Variants in ZNF44 observed in about 807,000 individuals in gnomAD.
The protein encoded by ZNF44 is gonadotropin inducible transcription repressor-2.
ZNF44 carries 9 observed loss-of-function variants against 11.7 expected under a neutral mutation model. The observed-to-expected ratio is 0.77, with a 90% CI of 0.46 to 1.35. ZNF44 has a LOEUF of 1.35. Among genes scored for constraint, ZNF44 ranks in the 40% most tolerant of loss-of-function variants. The probability of loss-of-function intolerance (pLI) is 0.00; values close to 1 mark genes in which losing one functional copy is unlikely to be tolerated. For synonymous variants in ZNF44, 224 were observed against 242.7 expected, an observed-to-expected ratio of 0.92 and a Z score of 0.72; for missense variants, 696 against 743.1, an observed-to-expected ratio of 0.94 and a Z score of 0.74.
intron 1 of ZNF44, among the ~76,000 whole-genome samples, chr19:12,282,052 C>G (rs765919864): frequency 2.6e-5 from 4 of 152,184 alleles, no homozygotes; most frequent in Non-Finnish European, 5.9e-5. Context: ...TGCCCTAACA[C>G]CAAAACTAGA....
chr19:12,273,230 CAT>C lies in ZNF44; in HGVS notation c.1023_1024del (p.Ile341MetfsTer6), dbSNP rs758389478. On this transcript the variant is annotated frameshift_variant, in exon 4 of 4. Coordinates refer to ENST00000355684, the MANE Select transcript of ZNF44 (RefSeq NM_016264.4). LOFTEE classifies it low-confidence loss of function (END_TRUNC). Reference sequence around the variant, plus strand: ...ACCAGGAAAATCAAAGCCTTTCCCACATATCTTACATTTATGAGGTCCATCTC... The same window carrying C: ...ACCAGGAAAATCAAAGCCTTTCCCACATCTTACATTTATGAGGTCCATCTC... The C allele has an allele frequency of 3.7e-6, 6 of 1,613,974 alleles. No individual in the cohort carries two copies. The highest frequency in any genetic ancestry group is 1.3e-5 in the African/African-American group (1 of 74,910).
intron 1 of ZNF44, among the ~76,000 whole-genome samples, chr19:12,289,396 A>G (rs1481386608): frequency 6.6e-6 from 1 of 152,138 alleles, no homozygotes; most frequent in Non-Finnish European, 1.5e-5. Context: ...ACACACCCTC[A>G]GCCTAAGCCA....
chr19:12,270,515 G>C (rs1966916233), downstream of ZNF44, among the ~76,000 whole-genome samples: 1 of 151,666 alleles, frequency 6.6e-6, no homozygotes, highest in South Asian at 2.1e-4. Context: ...GCAGTGGTAG[G>C]ATCTTGGCTC....
chr19:12,287,723 G>A (rs747627442), intron 1 of ZNF44, among the ~76,000 whole-genome samples: 11 of 152,120 alleles, frequency 7.2e-5, no homozygotes, highest in Non-Finnish European at 1.5e-4. Context: ...TGGACACTTA[G>A]GCTAATTTTG....
intron 5 of ZNF44, among the ~76,000 whole-genome samples, chr19:12,260,748 A>C (rs1232396135): frequency 6.6e-6 from 1 of 152,190 alleles, no homozygotes; most frequent in African/African-American, 2.4e-5. Flanking sequence ...TGTCAACTAA[A>C]GTCAGCTGAA....
At chr19:12,226,183 G>C (rs1915910461) in exon 4 of ZNF44, 1 of 152,102 alleles carries the variant, frequency 6.6e-6, no homozygotes, top group Admixed American at 6.5e-5. Flanking sequence ...TTGTTACTTA[G>C]GTCCTTTAAA....
chr19:12,280,244 A>C (rs2145743155), intron 1 of ZNF44, among the ~76,000 whole-genome samples: 1 of 152,168 alleles, frequency 6.6e-6, no homozygotes, highest in African/African-American at 2.4e-5. Flanking sequence ...AATATCAACA[A>C]TGTATTCAGT....
chr19:12,242,664 C>CA (rs1916659720), downstream of ZNF44: 1 of 95,144 alleles, frequency 1.1e-5, no homozygotes, highest in Non-Finnish European at 2.3e-5. Context: ...GACCTTGTCT[C>CA]TCCAAAAAAA....
chr19:12,272,144 G>T lies in ZNF44; in HGVS notation c.*263C>A. 1 of 328,074 alleles carries T rather than the reference G, an allele frequency of 3.0e-6. No homozygotes were observed. Among genetic ancestry groups the T allele is most frequent in the Non-Finnish European group, 5.2e-6 (1 of 193,976 alleles). 20.3% of individuals were successfully genotyped at this position (328,074 alleles called of 1,614,324 possible). A position where few individuals can be genotyped will look rare whatever the true frequency, so the allele number is the denominator to read the frequency against. ...CCTGAGTAGCTAGGACTACAGGTGT[G>T]AGCAACTATGCCTGGCTATTTTTTT... On this transcript the variant is annotated 3_prime_UTR_variant, in exon 4 of 4. Transcript: ENST00000355684.
chr19:12,294,088 A>G (rs1968133025), intron 1 of ZNF44, among the ~76,000 whole-genome samples: 1 of 152,214 alleles, frequency 6.6e-6, no homozygotes. Flanking sequence ...GAGTTGCTCA[A>G]GAGTCGTCTA....
At chr19:12,263,915 AC>A (rs1404091274) in intron 5 of ZNF44, among the ~76,000 whole-genome samples, 7 of 135,002 alleles carry the variant, frequency 5.2e-5, no homozygotes, top group Non-Finnish European at 9.3e-5. Context: ...ATAGAGCGAG[AC>A]TCCGTCTCAA....
At chr19:12,286,142 C>A (rs1449878677) in intron 1 of ZNF44, among the ~76,000 whole-genome samples, 3 of 152,194 alleles carry the variant, frequency 2.0e-5, no homozygotes, top group East Asian at 3.8e-4. Flanking sequence ...AAACAAAAAT[C>A]TTTTCAGCAC....
chr19:12,243,816 C>T (rs535909021), downstream of ZNF44, among the ~76,000 whole-genome samples: 3 of 152,076 alleles, frequency 2.0e-5, no homozygotes, highest in East Asian at 5.8e-4. Flanking sequence ...TTTCTCTGTA[C>T]TCTAACACTA....
At chr19:12,228,217 TGTAGG>T (rs1916002852) in intron 3 of ZNF44, among the ~76,000 whole-genome samples, 2 of 151,812 alleles carry the variant, frequency 1.3e-5, no homozygotes, top group South Asian at 4.1e-4. Flanking sequence ...AACTTTTTAA[TGTAGG>T]TAAAAATCCA....
chr19:12,279,514 T>C (rs1967377466), intron 1 of ZNF44, among the ~76,000 whole-genome samples: 1 of 150,778 alleles, frequency 6.6e-6, no homozygotes, highest in Non-Finnish European at 1.5e-5. Context: ...GAGAAATAAA[T>C]AAAACAGAGA....
intron 1 of ZNF44, chr19:12,284,281 A>C: frequency 2.3e-6 from 1 of 432,918 alleles, no homozygotes; most frequent in Non-Finnish European, 4.3e-6. Flanking sequence ...AATCACATGG[A>C]GATAACTAAA....
Position 12,229,970 on chromosome 19 carries a change from G to A in ZNF44, n.436+490C>T, listed in dbSNP as rs571733084. Among the ~76,000 whole-genome samples the A allele has an allele frequency of 1.3e-4, 20 of 152,252 alleles. 1 individual carries two copies. Among genetic ancestry groups the A allele is most frequent in the African/African-American group, 2.2e-4 (9 of 41,554 alleles). ...GAGGTGCAAACTTGACACAGGGAGC[G>A]TTGGGATTTAAAGTAGAAGCAGAAA... On this transcript the variant is annotated intron_variant and non_coding_transcript_variant, in intron 3 of 3. Coordinates refer to the ZNF44 transcript ENST00000597563.
chr19:12,265,640 G>C (rs542917322), intron 5 of ZNF44, among the ~76,000 whole-genome samples: 108 of 152,244 alleles, frequency 7.1e-4, no homozygotes, highest in African/African-American at 2.5e-3. Flanking sequence ...TCCTCAACAC[G>C]TAAGATGTCT....
At position 12,276,021 on chromosome 19, in the gene ZNF44, C is replaced by T; in HGVS notation, c.65G>A (p.Gly22Asp). 2 of 1,609,666 alleles carry T rather than the reference C, an allele frequency of 1.2e-6. No individual in the cohort carries two copies. The highest frequency in any genetic ancestry group is 1.7e-6 in the Non-Finnish European group (2 of 1,177,004). ...NFTHEEWALLGPSQKNLYRDV... is the reference protein window; with the variant it reads ...NFTHEEWALLDPSQKNLYRDV... ...TCTGTAGAGATTCTTCTGTGATGGA[C>T]CCAGCAAAGCCCACTCCTCATGGGT... The change falls in exon 2 of 4, where the codon GGT becomes GAT. Residue 22 changes from glycine to aspartate, a missense_variant. Gly to Asp is a moderately conservative substitution (Grantham distance 94, BLOSUM62 -1). Coordinates refer to ENST00000355684, the MANE Select transcript of ZNF44 (RefSeq NM_016264.4).
Sources: gnomAD v4.1 joint callset for allele counts (sites outside exome capture counted in the v4.1 genomes callset) on GRCh38, gnomAD v4.1.1 for gene constraint, MANE v1.5 for transcripts, NCBI Gene and HGNC (gene_info 2026-07-23, HGNC 2026-07-21) for gene names.